MACROD2: variants seen among roughly 807,000 people sequenced by gnomAD.
The protein encoded by MACROD2 is ADP-ribose glycohydrolase MACROD2.
A neutral mutation model predicts 70.4 loss-of-function variants in MACROD2; 36 were observed. That is an observed-to-expected ratio of 0.51 (90% confidence interval 0.39 to 0.68). The LOEUF is 0.68. MACROD2 is among the 30% of genes least tolerant of loss of function. The pLI is 0.00. For synonymous variants in MACROD2, 172 were observed against 178.8 expected, an observed-to-expected ratio of 0.96 and a Z score of 0.30; for missense variants, 496 against 538.4, an observed-to-expected ratio of 0.92 and a Z score of 0.78.
intron 2 of MACROD2, among the ~76,000 whole-genome samples, chr20:14,055,678 A>G (rs2148652029): frequency 6.6e-6 from 1 of 152,142 alleles, no homozygotes; most frequent in Non-Finnish European, 1.5e-5. Flanking sequence ...GCAGGCATTC[A>G]ACATATACCA....
intron 8 of MACROD2, among the ~76,000 whole-genome samples, chr20:15,829,201 C>A (rs2064028721): frequency 6.6e-6 from 1 of 152,020 alleles, no homozygotes; most frequent in Non-Finnish European, 1.5e-5. Flanking sequence ...ATTCCTAGAA[C>A]TTTGCCTATG....
At chr20:16,024,245 T>C (rs2067045011) in intron 15 of MACROD2, among the ~76,000 whole-genome samples, 1 of 152,238 alleles carries the variant, frequency 6.6e-6, no homozygotes, top group Non-Finnish European at 1.5e-5. Context: ...AGGTTGATAA[T>C]GCTGCCTAGT....
At chr20:15,147,734 G>A (rs558256601) in intron 5 of MACROD2, among the ~76,000 whole-genome samples, 7 of 152,138 alleles carry the variant, frequency 4.6e-5, no homozygotes, top group African/African-American at 1.7e-4. Context: ...AACAGGCTTT[G>A]TGTGAGCAAC....
intron 6 of MACROD2, among the ~76,000 whole-genome samples, chr20:15,254,739 G>A (rs1002720663): frequency 2.0e-5 from 3 of 151,890 alleles, no homozygotes; most frequent in East Asian, 1.9e-4. Context: ...TATCTTTTTT[G>A]TTTGTCTTTT....
At chr20:14,869,288 T>C (rs1272438442) in intron 5 of MACROD2, among the ~76,000 whole-genome samples, 1 of 152,224 alleles carries the variant, frequency 6.6e-6, no homozygotes, top group East Asian at 1.9e-4. Context: ...AACATTCTTT[T>C]GTATCCGTTA....
At chr20:14,894,795 T>G (rs765803909) in intron 5 of MACROD2, 1 of 152,180 alleles carries the variant, frequency 6.6e-6, no homozygotes, top group Non-Finnish European at 1.5e-5. Flanking sequence ...CTTGTGTGTG[T>G]GTGATGTTTA....
At chr20:15,461,006 A>ATTTTTTTTTT (rs951397131) in intron 7 of MACROD2, among the ~76,000 whole-genome samples, 30 of 66,954 alleles carry the variant, frequency 4.5e-4, no homozygotes, top group South Asian at 1.4e-3. Context: ...ATATATATAT[A>ATTTTTTTTTT]TTTTTTTTTA....
At chr20:14,736,661 G>A (rs2071668599) in intron 5 of MACROD2, among the ~76,000 whole-genome samples, 1 of 151,996 alleles carries the variant, frequency 6.6e-6, no homozygotes, top group Admixed American at 6.6e-5. Context: ...AGTTTTGCAT[G>A]GATTTGCCCA....
intron 6 of MACROD2, among the ~76,000 whole-genome samples, chr20:15,249,075 C>T (rs1398907525): frequency 2.0e-5 from 3 of 152,194 alleles, no homozygotes; most frequent in South Asian, 2.1e-4. Context: ...TGAGAAGGCA[C>T]GTGGAAGCTG....
At chr20:14,220,758 A>G (rs1425815743) in intron 3 of MACROD2, among the ~76,000 whole-genome samples, 1 of 152,038 alleles carries the variant, frequency 6.6e-6, no homozygotes, top group African/African-American at 2.4e-5. Flanking sequence ...GCTCCAGGTA[A>G]AGTTGGAAAC....
chr20:15,921,328 A>G (rs1183318294), intron 10 of MACROD2, among the ~76,000 whole-genome samples: 1 of 152,094 alleles, frequency 6.6e-6, no homozygotes, highest in Non-Finnish European at 1.5e-5. Context: ...CTCTTTCCTC[A>G]ACTCATCCTA....
chr20:13,999,754 A>G (rs73099751), intron 1 of MACROD2, among the ~76,000 whole-genome samples: 26 of 152,250 alleles, frequency 1.7e-4, no homozygotes, highest in Non-Finnish European at 3.2e-4. Context: ...TTACAACTCA[A>G]ACAGCTCTGT....
chr20:14,658,120 A>G (rs1414706665), intron 4 of MACROD2, among the ~76,000 whole-genome samples: 2 of 152,166 alleles, frequency 1.3e-5, no homozygotes, highest in Admixed American at 1.3e-4. Context: ...CACTTCTAAG[A>G]TGATGAGGGA....
chr20:15,973,461 A>G (rs1478983695), intron 13 of MACROD2, among the ~76,000 whole-genome samples: 1 of 152,186 alleles, frequency 6.6e-6, no homozygotes, highest in East Asian at 1.9e-4. Flanking sequence ...AAATTGTACA[A>G]TAATCACAAA....
chr20:14,434,977 C>T (rs745324808), intron 3 of MACROD2, among the ~76,000 whole-genome samples: 10 of 152,140 alleles, frequency 6.6e-5, no homozygotes, highest in Non-Finnish European at 1.2e-4. Context: ...CAGTTTTCTT[C>T]CACAGAAGGT....
At chr20:15,553,978 C>T (rs1468674100) in intron 8 of MACROD2, among the ~76,000 whole-genome samples, 1 of 152,040 alleles carries the variant, frequency 6.6e-6, no homozygotes, top group Non-Finnish European at 1.5e-5. Flanking sequence ...TTTCACATGG[C>T]CACTCTGCAG....
chr20:15,562,735 T>C (rs1307406117), intron 8 of MACROD2, among the ~76,000 whole-genome samples: 2 of 152,218 alleles, frequency 1.3e-5, no homozygotes. Context: ...TGAAGTCCAA[T>C]TGACATTTTC....
chr20:14,473,060 A>G (rs943013228), intron 3 of MACROD2, among the ~76,000 whole-genome samples: 15 of 152,140 alleles, frequency 9.9e-5, no homozygotes, highest in African/African-American at 3.6e-4. Flanking sequence ...TAGTAATTAT[A>G]CATATTTATG....
chr20:15,354,674 C>T (rs1311247063), intron 6 of MACROD2, among the ~76,000 whole-genome samples: 1 of 152,076 alleles, frequency 6.6e-6, no homozygotes, highest in Non-Finnish European at 1.5e-5. Context: ...GGCATAAAGA[C>T]ATACAATTTA....
Sources: allele counts gnomAD v4.1 joint callset (sites outside exome capture counted in the v4.1 genomes callset), GRCh38; gene constraint gnomAD v4.1.1; transcripts MANE v1.5; gene names NCBI Gene and HGNC (gene_info 2026-07-23, HGNC 2026-07-21).